Variants in TGDS observed in about 807,000 individuals in gnomAD.
TGDS encodes TDP-glucose 4,6-dehydratase, also known as UDP-D-glucose 4,6-dehydratase.
Under a neutral mutation model 52.3 loss-of-function variants are expected in TGDS, and 47 were observed. The observed-to-expected ratio is 0.90, with a 90% CI of 0.71 to 1.15. The LOEUF (loss-of-function observed/expected upper bound fraction) is 1.15, where lower values mean the gene tolerates loss of function less well. Ranked by LOEUF, TGDS falls within the 50% of genes most tolerant of loss-of-function variation. The pLI, the probability that TGDS is intolerant of heterozygous loss-of-function variation, is 0.00. For missense variants in TGDS, 375 were observed against 418.4 expected, an observed-to-expected ratio of 0.90 and a Z score of 0.90; for synonymous variants, 115 against 136.9, an observed-to-expected ratio of 0.84 and a Z score of 1.12.
Position 94,581,140 on chromosome 13 carries a change from G to C in TGDS, c.506C>G (p.Ser169Cys). The C allele has an allele frequency of 6.3e-7, 1 of 1,596,842 alleles. No individual in the cohort carries two copies. Among genetic ancestry groups the C allele is most frequent in the South Asian group, 1.2e-5 (1 of 85,722 alleles). ...TACAAAACATTCAGCAGCTGCTTTA[G>C]ATGATGCATAAGGATTTGTAGGTTG... The part of the protein sequence containing the change: ...PKQPTNPYAS[S>C]KAAAECFVQS... Residue 169 changes from serine to cysteine, a missense_variant, in exon 6 of 12, where the codon TCT becomes TGT. Ser to Cys is a moderately radical substitution (Grantham distance 112, BLOSUM62 -1). Transcript: ENST00000261296.
In TGDS at chr13:94,579,883, G is replaced by A. The variant is rs780504440; in HGVS notation, c.615+11C>T. On this transcript the variant is annotated intron_variant, in intron 7 of 11. Transcript: ENST00000261296. The stretch of plus-strand genomic sequence containing the variant: ...ACTGAAAAACACCATGAATTAAGAA[G>A]TAAAATTTACCTTTTCTGGATATTG... The A allele has an allele frequency of 3.6e-5, 55 of 1,534,640 alleles. No individual in the cohort carries two copies. The South Asian group carries it at 5.9e-4, about 16-fold the overall frequency.
rs1888664660 is a variant in TGDS, at chr13:94,578,118, C to A, written c.712G>T (p.Val238Phe). The part of the protein sequence containing the change: ...QTRNFLYATD[V>F]VEAFLTVLKK... ...AGGACAGTGAGAAATGCTTCTACAA[C>A]ATCAGTAGCATAAAGGAAGTTTCTT... The change falls in exon 9 of 12, where the codon GTT becomes TTT. Residue 238 changes from valine to phenylalanine, a missense_variant. Coordinates refer to ENST00000261296, the MANE Select transcript of TGDS (RefSeq NM_014305.4). 1 of 1,613,794 alleles carries A rather than the reference C, an allele frequency of 6.2e-7. No individual in the cohort carries two copies. The highest frequency in any genetic ancestry group is 8.5e-7 in the Non-Finnish European group (1 of 1,179,858).
chr13:94,578,816 C>A (rs976493378), intron 7 of TGDS, 43 bp from the exon 8 acceptor site: 3 of 1,260,306 alleles, frequency 2.4e-6, no homozygotes, highest in East Asian at 2.4e-5. Context: ...GATATTTACT[C>A]ATTAGTATGA....
intron 5 of TGDS, among the ~76,000 whole-genome samples, chr13:94,581,506 G>T (rs1888793748): frequency 1.3e-5 from 2 of 152,182 alleles, no homozygotes; most frequent in Non-Finnish European, 2.9e-5. Flanking sequence ...TACCCTTGAA[G>T]GCCACCGTAA....
intron 3 of TGDS, 41 bp downstream of exon 3, chr13:94,592,200 G>T: frequency 2.1e-6 from 3 of 1,454,390 alleles, no homozygotes; most frequent in South Asian, 2.5e-5. Context: ...ATCTCTGCAT[G>T]ACTAAAGAGG....
chr13:94,586,196 C>A (rs1297865902), intron 4 of TGDS, among the ~76,000 whole-genome samples: 2 of 152,012 alleles, frequency 1.3e-5, no homozygotes, highest in Non-Finnish European at 2.9e-5. Flanking sequence ...AAACTAAACA[C>A]TGAGGGCAAA....
Position 94,582,990 on chromosome 13 carries a change from A to G in TGDS, c.456+104T>C, listed in dbSNP as rs1888851837. ...ACCCTAATACACTCTGAAGAGTGCC[A>G]CAAGTGTATATAATTTGAGGATGAA... On this transcript the variant is annotated intron_variant, in intron 5 of 11. Transcript: ENST00000261296. 4 of 1,237,548 alleles carry G rather than the reference A, an allele frequency of 3.2e-6. No homozygotes were observed. The Admixed American group carries it at 6.2e-5, about 19-fold the overall frequency. 76.7% of individuals were successfully genotyped at this position (1,237,548 alleles called of 1,614,324 possible). A position where few individuals can be genotyped will look rare whatever the true frequency, so the allele number is the denominator to read the frequency against.
rs150355822 is a variant in TGDS at position 94,594,212 on chromosome 13, T to A, written c.87-305A>T. Among the ~76,000 whole-genome samples, 278 of 152,278 alleles carry A rather than the reference T, an allele frequency of 1.8e-3. 1 individual carries two copies. Among genetic ancestry groups the A allele is most frequent in the Non-Finnish European group, 3.3e-3 (223 of 68,018 alleles). ...GATGCCATCCATACAGGTACAAGTA[T>A]CGAGTAAAGTGGAACAATAAATGGG... On this transcript the variant is annotated intron_variant, in intron 1 of 11. Coordinates refer to ENST00000261296, the MANE Select transcript of TGDS (RefSeq NM_014305.4).
In TGDS at chr13:94,574,662, A is replaced by G. The variant is rs114214338; in HGVS notation, c.*120T>C. 2,231 of 602,484 alleles carry G rather than the reference A, an allele frequency of 3.7e-3. 48 individuals carry two copies. The African/African-American group carries it at 0.038, about 10-fold the overall frequency. The allele number at this position is 602,484 out of a possible 1,614,324, so 37.3% of individuals were successfully genotyped here. A position where few individuals can be genotyped will look rare whatever the true frequency, so the allele number is the denominator to read the frequency against. On this transcript the variant is annotated 3_prime_UTR_variant, in exon 12 of 12. Coordinates refer to ENST00000261296, the MANE Select transcript of TGDS (RefSeq NM_014305.4). ...TTCTGCATTTGAATTTTATACAGAA[A>G]GTCATGAATCTAATTCCAAAAGAAA...
At chr13:94,581,017 A>G in intron 6 of TGDS, 74 bp downstream of exon 6, 1 of 910,346 alleles carries the variant, frequency 1.1e-6, no homozygotes, top group Admixed American at 2.7e-5. Context: ...AAAAGAAAAA[A>G]AAAAGCTGAC....
At chr13:94,588,420 T>TAAAAAAA (rs1889076019) in intron 4 of TGDS, among the ~76,000 whole-genome samples, 1 of 28,394 alleles carries the variant, frequency 3.5e-5, no homozygotes, top group African/African-American at 2.5e-4. Context: ...AGACTCTGTC[T>TAAAAAAA]CAAAAAAAAA....
chr13:94,594,236 G>A (rs1889299042), intron 1 of TGDS, among the ~76,000 whole-genome samples: 1 of 152,152 alleles, frequency 6.6e-6, no homozygotes, highest in Admixed American at 6.5e-5. Flanking sequence ...ACAATAAATG[G>A]GAGCTAGTCA....
intron 1 of TGDS, among the ~76,000 whole-genome samples, chr13:94,595,594 G>A (rs1889346103): frequency 1.3e-5 from 2 of 152,130 alleles, no homozygotes; most frequent in South Asian, 4.1e-4. Context: ...CTCGAATGTG[G>A]GTCTGAGGAA....
chr13:94,594,088 A>G (rs183629205), intron 1 of TGDS, among the ~76,000 whole-genome samples, 181 bp from the exon 2 acceptor site: 25 of 152,352 alleles, frequency 1.6e-4, no homozygotes, highest in African/African-American at 6.0e-4. Flanking sequence ...AAACTTCTCA[A>G]CAGTATCTAT....
At chr13:94,586,735 G>A (rs1051474596) in intron 4 of TGDS, among the ~76,000 whole-genome samples, 15 of 147,598 alleles carry the variant, frequency 1.0e-4, no homozygotes, top group African/African-American at 3.7e-4. Flanking sequence ...CCACGGATGA[G>A]AGAAGAAATC....
rs553440801 is a variant in TGDS, at chr13:94,577,895, T to C, written c.825+110A>G. 7 of 1,114,698 alleles carry C rather than the reference T, an allele frequency of 6.3e-6. No individual in the cohort carries two copies. The African/African-American group carries it at 1.1e-4, about 18-fold the overall frequency. The allele number at this position is 1,114,698 out of a possible 1,614,324, so 69.1% of individuals were successfully genotyped here. On this transcript the variant is annotated intron_variant, in intron 9 of 11. Coordinates refer to ENST00000261296, the MANE Select transcript of TGDS (RefSeq NM_014305.4). Reference sequence around the variant, plus strand: ...TGGTACACAAAATCATTAATTTCATTTTCTACTTGCTTACTTTTAAATTAA... The same window carrying C: ...TGGTACACAAAATCATTAATTTCATCTTCTACTTGCTTACTTTTAAATTAA...
chr13:94,592,073 A>G (rs1889220283), intron 3 of TGDS, among the ~76,000 whole-genome samples, 168 bp downstream of exon 3: 1 of 152,220 alleles, frequency 6.6e-6, no homozygotes, highest in African/African-American at 2.4e-5. Context: ...CAAAAGTAGT[A>G]TCCTCTAGAG....
chr13:94,587,904 G>T (rs1455296080), intron 4 of TGDS, among the ~76,000 whole-genome samples: 15 of 150,802 alleles, frequency 9.9e-5, no homozygotes, highest in Non-Finnish European at 2.2e-4. Context: ...GGCTGAGGCA[G>T]GAGAATGGCA....
intron 4 of TGDS, among the ~76,000 whole-genome samples, chr13:94,586,553 T>TAC (rs1328180428): frequency 6.6e-6 from 1 of 152,102 alleles, no homozygotes; most frequent in East Asian, 1.9e-4. Flanking sequence ...TTCTTTTCAA[T>TAC]ACACACACGA....
Sources: gnomAD v4.1 joint callset for allele counts (sites outside exome capture counted in the v4.1 genomes callset) on GRCh38, gnomAD v4.1.1 for gene constraint, MANE v1.5 for transcripts, NCBI Gene and HGNC (gene_info 2026-07-23, HGNC 2026-07-21) for gene names.